MTHFD1L: variants seen among roughly 807,000 people sequenced by gnomAD.
MTHFD1L encodes the protein monofunctional C1-tetrahydrofolate synthase, mitochondrial.
Under a neutral mutation model 119.5 loss-of-function variants are expected in MTHFD1L, and 81 were observed. That is an observed-to-expected ratio of 0.68 (90% CI 0.57 to 0.82). The LOEUF is 0.82. Among genes scored for constraint, MTHFD1L ranks in the 40% least tolerant of loss-of-function variants. MTHFD1L has a pLI of 0.00. For missense variants in MTHFD1L, 1,125 were observed against 1,253.4 expected (o/e 0.90, Z 1.55); for synonymous variants, 430 against 475.2 (o/e 0.90, Z 1.24).
Position 150,919,223 on chromosome 6 carries a change from G to A in MTHFD1L, c.984+555G>A, listed in dbSNP as rs150461995. Among the ~76,000 whole-genome samples the A allele has an allele frequency of 1.7e-3, 259 of 151,696 alleles. 3 individuals carry two copies. The highest frequency in any genetic ancestry group is 2.2e-3 in the Non-Finnish European group (151 of 67,926). On this transcript the variant is annotated intron_variant, in intron 9 of 27. Coordinates refer to ENST00000367321, the MANE Select transcript of MTHFD1L (RefSeq NM_015440.5). ...AAGAAAACAGATTTAATTGGCTCAC[G>A]GTTCTTTTTTTTCCCCTTGGGACAG... is the stretch of plus-strand genomic sequence containing the variant.
At chr6:151,092,795 AC>A (rs1229070168) in intron 27 of MTHFD1L, among the ~76,000 whole-genome samples, 3 of 151,986 alleles carry the variant, frequency 2.0e-5, no homozygotes, top group Non-Finnish European at 4.4e-5. Context: ...TCAGTACACA[AC>A]CCTTAGTGTC....
intron 23 of MTHFD1L, among the ~76,000 whole-genome samples, chr6:151,015,268 G>C (rs1320853467): frequency 7.7e-6 from 1 of 129,568 alleles, no homozygotes; most frequent in Non-Finnish European, 1.6e-5. Context: ...AACTGTGAAT[G>C]ATCAAAGGGA....
At chr6:150,884,351 A>G (rs1781869328) in intron 5 of MTHFD1L, among the ~76,000 whole-genome samples, 1 of 151,534 alleles carries the variant, frequency 6.6e-6, no homozygotes, top group Non-Finnish European at 1.5e-5. Flanking sequence ...CGTGTTAGCC[A>G]GGATGGTCTC....
chr6:150,948,943 A>G, intron 15 of MTHFD1L, 88 bp from the exon 16 acceptor site: 1 of 1,123,630 alleles, frequency 8.9e-7, no homozygotes, highest in Non-Finnish European at 1.3e-6. Context: ...CCAATCATGG[A>G]GAAAATAAAA....
At chr6:151,060,425 T>G (rs1480205411) in intron 26 of MTHFD1L, among the ~76,000 whole-genome samples, 1 of 152,184 alleles carries the variant, frequency 6.6e-6, no homozygotes, top group Non-Finnish European at 1.5e-5. Context: ...GCCTGGACCT[T>G]GCACTTGCAG....
intron 11 of MTHFD1L, among the ~76,000 whole-genome samples, chr6:150,934,031 G>A (rs773580741): frequency 3.2e-4 from 48 of 152,030 alleles, no homozygotes; most frequent in African/African-American, 1.1e-3. Flanking sequence ...TTTCTCACTC[G>A]GTGCACTGTC....
At chr6:151,000,758 A>G (rs987257678) in intron 20 of MTHFD1L, among the ~76,000 whole-genome samples, 1 of 152,194 alleles carries the variant, frequency 6.6e-6, no homozygotes, top group African/African-American at 2.4e-5. Flanking sequence ...TTATCTGCAG[A>G]CAGCTGCCAT....
intron 24 of MTHFD1L, among the ~76,000 whole-genome samples, chr6:151,016,511 C>T (rs550589256): frequency 2.7e-4 from 41 of 150,796 alleles, no homozygotes; most frequent in African/African-American, 9.9e-4. Context: ...TTAGTAGAGA[C>T]GGGGTTTCAC....
chr6:150,910,456 A>G (rs1353446267), intron 8 of MTHFD1L, among the ~76,000 whole-genome samples: 4 of 146,202 alleles, frequency 2.7e-5, no homozygotes. Context: ...CCAGCTACTC[A>G]GGAGGCTGAG....
chr6:151,084,598 T>G (rs1793541738), intron 26 of MTHFD1L, among the ~76,000 whole-genome samples: 1 of 152,164 alleles, frequency 6.6e-6, no homozygotes, highest in Admixed American at 6.6e-5. Flanking sequence ...ATTTTAAATA[T>G]TAATCTTTCT....
At chr6:150,893,497 T>C (rs1562330925) in intron 7 of MTHFD1L, among the ~76,000 whole-genome samples, 1 of 152,240 alleles carries the variant, frequency 6.6e-6, no homozygotes, top group African/African-American at 2.4e-5. Context: ...CTTAGGATTA[T>C]GGCTACTAAG....
At chr6:150,936,753 A>G (rs748224065) in intron 11 of MTHFD1L, 51 bp from the exon 12 acceptor site, 3 of 1,592,034 alleles carry the variant, frequency 1.9e-6, no homozygotes, top group Admixed American at 1.7e-5. Context: ...CTGGTTTTGC[A>G]TAGGTTGTCT....
chr6:150,977,976 C>T (rs144632708), intron 20 of MTHFD1L, among the ~76,000 whole-genome samples: 4,154 of 151,106 alleles, frequency 0.027, 203 homozygotes, highest in Admixed American at 0.14. Flanking sequence ...CCTCAGCTCA[C>T]GGTGACCTCC....
chr6:150,928,646 A>C (rs984539245), intron 11 of MTHFD1L, among the ~76,000 whole-genome samples: 8 of 151,154 alleles, frequency 5.3e-5, no homozygotes, highest in African/African-American at 1.7e-4. Context: ...GGTTCAAGCA[A>C]TTCTTGTGCC....
At chr6:151,079,303 A>G (rs771232905) in intron 26 of MTHFD1L, among the ~76,000 whole-genome samples, 13 of 152,058 alleles carry the variant, frequency 8.5e-5, no homozygotes, top group Non-Finnish European at 1.8e-4. Flanking sequence ...TTAGAAATCC[A>G]GTGGGTAACA....
chr6:151,091,078 G>T (rs567716175), intron 26 of MTHFD1L, among the ~76,000 whole-genome samples: 83 of 145,678 alleles, frequency 5.7e-4, no homozygotes, highest in African/African-American at 2.1e-3. Context: ...CGTTCCATGC[G>T]ACTGGGTGCA....
At chr6:150,913,612 C>T (rs1309781080) in intron 8 of MTHFD1L, among the ~76,000 whole-genome samples, 2 of 152,132 alleles carry the variant, frequency 1.3e-5, no homozygotes, top group Non-Finnish European at 2.9e-5. Flanking sequence ...AGCCTGAATG[C>T]AGTCTTAAAA....
intron 7 of MTHFD1L, among the ~76,000 whole-genome samples, chr6:150,898,695 C>T (rs1327031217): frequency 1.3e-5 from 2 of 152,050 alleles, no homozygotes; most frequent in African/African-American, 4.8e-5. Flanking sequence ...ACTAAAGGAA[C>T]CAAAATGAGG....
chr6:150,884,791 C>CAGA (rs1176165904), intron 5 of MTHFD1L, among the ~76,000 whole-genome samples: 1 of 152,204 alleles, frequency 6.6e-6, no homozygotes, highest in African/African-American at 2.4e-5. Context: ...CAGAACCCTT[C>CAGA]AGAAGTGTGT....
Sources: gnomAD v4.1 joint callset for allele counts (sites outside exome capture counted in the v4.1 genomes callset) on GRCh38, gnomAD v4.1.1 for gene constraint, MANE v1.5 for transcripts, NCBI Gene and HGNC (gene_info 2026-07-23, HGNC 2026-07-21) for gene names.